Variants in TESK1 observed in about 807,000 individuals in gnomAD.
TESK1 encodes testis associated actin remodelling kinase 1.
In TESK1, 18 loss-of-function variants were observed where a neutral mutation model predicts 59.9. That is an observed-to-expected ratio of 0.30 (90% CI 0.21 to 0.45). TESK1 has a LOEUF of 0.45. Among genes scored for constraint, TESK1 ranks in the 20% least tolerant of loss-of-function variants. The probability of loss-of-function intolerance (pLI) is 1.00; values close to 1 mark genes in which losing one functional copy is unlikely to be tolerated. For synonymous variants in TESK1, 341 were observed against 357.4 expected, an observed-to-expected ratio of 0.95 and a Z score of 0.52; for missense variants, 748 against 840.9, an observed-to-expected ratio of 0.89 and a Z score of 1.37.
chr9:35,608,429 T>C lies in TESK1; in HGVS notation c.920T>C (p.Ile307Thr). The C allele has an allele frequency of 6.2e-7, 1 of 1,614,036 alleles. No individual in the cohort carries two copies. The highest frequency in any genetic ancestry group is 8.5e-7 in the Non-Finnish European group (1 of 1,180,000). ...AGCACCCGTGCCCCCTTCACCGAAA[T>C]TACCCAGCACCTGGAATGGATCCTG... The part of the protein sequence containing the change: ...EPSTRAPFTE[I>T]TQHLEWILEQ... The change falls in exon 9 of 10, where the codon ATT becomes ACT. Residue 307 changes from isoleucine (I) to threonine (T), a missense_variant. Coordinates refer to ENST00000336395, the MANE Select transcript of TESK1 (RefSeq NM_006285.3).
At position 35,606,866 on chromosome 9, in the gene TESK1, G is replaced by A. The variant is rs370594100; in HGVS notation, c.420G>A (p.Leu140=). The change falls in exon 4 of 10, where the codon CTG becomes CTA. Residue 140 remains leucine, a synonymous_variant. Transcript: ENST00000336395. ...EYMNGGTLEQ[L]LSSPEPLSWP... is the part of the protein sequence containing the mutation. ...TGAATGGGGGGACATTGGAACAGCT[G>A]CTCAGCTCCCCTGAACCCCTGTCCT... 3.1e-6 allele frequency: 5 copies of A among 1,612,260 alleles called. No homozygotes were observed. The highest frequency in any genetic ancestry group is 3.4e-6 in the Non-Finnish European group (4 of 1,179,198).
chr9:35,609,000 C>T lies in TESK1; in HGVS notation c.1139C>T (p.Pro380Leu). ...NWGDNLTRVN[P>L]FSLREDLRGG... ...GGGGACAATCTGACTCGAGTCAACC[C>T]CTTCTCACTACGGGAAGACCTCAGG... Residue 380 changes from proline (P) to leucine (L), a missense_variant, in exon 10 of 10, where the codon CCC becomes CTC. By Grantham distance (98) the Pro-to-Leu change is moderately conservative. This residue lies in a region of TESK1 where 447 missense variants were observed against 466.1 expected (regional missense o/e 0.96). Transcript: ENST00000336395. 9.3e-6 allele frequency: 15 copies of T among 1,614,202 alleles called. No homozygotes were observed. The highest frequency in any genetic ancestry group is 1.3e-5 in the Non-Finnish European group (15 of 1,180,034).
Position 35,607,591 on chromosome 9 carries a change from A to G in TESK1, c.630A>G (p.Ala210=). The G allele has an allele frequency of 1.2e-6, 2 of 1,613,880 alleles. No individual in the cohort carries two copies. The change falls in exon 6 of 10, where the codon GCA becomes GCG. Residue 210 remains alanine, a synonymous_variant. Transcript: ENST00000336395. This position sits in a 1 kb window ranked among gnomAD's most constrained non-coding sequence, Gnocchi z 4.5. ...GCCCCTGCCCCTGCAGGGAGGGGGC[A>G]AGGAAGGAGCCATTGGCCGTGGTGG... ...AEKIPVYREG[A]RKEPLAVVGS... is the part of the protein sequence containing the mutation.
Position 35,607,453 on chromosome 9 carries a change from C to T in TESK1, c.620+44C>T. 4 of 1,608,540 alleles carry T rather than the reference C, an allele frequency of 2.5e-6. No homozygotes were observed. In the South Asian group the frequency reaches 3.3e-5, roughly 13 times the overall value. ...TTCCCCCCAAATCTCCCAGAGTGCC[C>T]CTATCTGATGTCCCCAGAGCCCCAG... On this transcript the variant is annotated intron_variant, in intron 5 of 9. Coordinates refer to ENST00000336395, the MANE Select transcript of TESK1 (RefSeq NM_006285.3). This position sits in a 1 kb window ranked among gnomAD's most constrained non-coding sequence, Gnocchi z 4.5.
Position 35,609,554 on chromosome 9 carries a change from G to A in TESK1, c.1693G>A (p.Gly565Arg), listed in dbSNP as rs1016821335. The change falls in exon 10 of 10, where the codon GGG (glycine) becomes AGG (arginine). Residue 565 changes from glycine to arginine, a missense_variant. This residue lies in a region of TESK1 where 447 missense variants were observed against 466.1 expected (regional missense o/e 0.96). Coordinates refer to ENST00000336395, the MANE Select transcript of TESK1 (RefSeq NM_006285.3). The surrounding 1 kb of genome is among the most constrained non-coding windows in gnomAD (Gnocchi z 6.7). ...PPSAPREPDE[G>R]LPCPGCCLGP... ...TTCAGCTCCCCGGGAGCCCGATGAG[G>A]GGCTGCCCTGTCCTGGCTGCTGCCT... is the stretch of plus-strand genomic sequence containing the variant. The A allele has an allele frequency of 6.2e-7, 1 of 1,613,506 alleles. No individual in the cohort carries two copies. Among genetic ancestry groups the A allele is most frequent in the African/African-American group, 1.3e-5 (1 of 75,066 alleles).
rs756370004 is a variant in TESK1, at chr9:35,608,851, T to A, written c.1001-11T>A. On this transcript the variant is annotated splice_polypyrimidine_tract_variant and intron_variant, in intron 9 of 9. Transcript: ENST00000336395. ...GCTGAGGACAGTGATTCCAGACTTCTCTATCTACAGGCTCTGTTGCAAGAG... is the reference window on the plus strand; with the variant it reads ...GCTGAGGACAGTGATTCCAGACTTCACTATCTACAGGCTCTGTTGCAAGAG... 6.4e-7 allele frequency: 1 copy of A among 1,563,070 alleles called. No individual in the cohort carries two copies. Among genetic ancestry groups the A allele is most frequent in the Non-Finnish European group, 8.7e-7 (1 of 1,154,534 alleles).
intron 3 of TESK1, 122 bp from the exon 4 acceptor site, chr9:35,606,715 A>G: frequency 1.1e-6 from 1 of 937,968 alleles, no homozygotes; most frequent in Non-Finnish European, 1.5e-6. Flanking sequence ...GGGGGGTCCT[A>G]CAGCACAGTC....
In TESK1 at chr9:35,607,514, C is replaced by G. The variant is rs889559651; in HGVS notation, c.621-68C>G. On this transcript the variant is annotated intron_variant, in intron 5 of 9. Transcript: ENST00000336395. The surrounding 1 kb of genome is among the most constrained non-coding windows in gnomAD (Gnocchi z 4.5). ...CTTGGGGAACGGAGGGAGTTCACCT[C>G]ATCCCCTTTTGCCTGGGGGGGATGC... 6.4e-7 allele frequency: 1 copy of G among 1,573,180 alleles called. No individual in the cohort carries two copies. The highest frequency in any genetic ancestry group is 8.7e-7 in the Non-Finnish European group (1 of 1,143,484).
In TESK1 at chr9:35,606,124, TG is replaced by T; in HGVS notation, c.341+22del. The T allele has an allele frequency of 1.2e-6, 2 of 1,614,108 alleles. No homozygotes were observed. Among genetic ancestry groups the T allele is most frequent in the Non-Finnish European group, 1.7e-6 (2 of 1,179,966 alleles). On this transcript the variant is annotated intron_variant, in intron 2 of 9. Transcript: ENST00000336395. ...TCCTAAGGTGAGCGGCCCCAGTCTC[TG>T]GGCAGCTTGCTGGGCGGGAGAGAAA...
Position 35,609,528 on chromosome 9 carries a change from C to A in TESK1, c.1667C>A (p.Pro556His). 6.2e-7 allele frequency: 1 copy of A among 1,611,678 alleles called. No individual in the cohort carries two copies. The highest frequency in any genetic ancestry group is 8.5e-7 in the Non-Finnish European group (1 of 1,178,724). ...ALERTEPSPP[P>H]SAPREPDEGL... ...GAGCGGACAGAACCCTCGCCACCCC[C>A]TTCAGCTCCCCGGGAGCCCGATGAG... The change falls in exon 10 of 10, where the codon CCT becomes CAT. Residue 556 changes from proline to histidine, a missense_variant. Around this residue, in one of 3 missense-constraint regions of TESK1, gnomAD observed 447 missense variants for 466.1 expected, o/e 0.96. Transcript: ENST00000336395. This position sits in a 1 kb window ranked among gnomAD's most constrained non-coding sequence, Gnocchi z 6.7.
At position 35,609,580 on chromosome 9, in the gene TESK1, C is replaced by G; in HGVS notation, c.1719C>G (p.Leu573=). 1 of 1,613,508 alleles carries G rather than the reference C, an allele frequency of 6.2e-7. No homozygotes were observed. Among genetic ancestry groups the G allele is most frequent in the Non-Finnish European group, 8.5e-7 (1 of 1,179,910 alleles). The change falls in exon 10 of 10, where the codon CTC becomes CTG. Residue 573 remains leucine, a synonymous_variant. Transcript: ENST00000336395. This position sits in a 1 kb window ranked among gnomAD's most constrained non-coding sequence, Gnocchi z 6.7. ...DEGLPCPGCC[L]GPFSFGFLSM... Reference sequence around the variant, plus strand: ...GGCTGCCCTGTCCTGGCTGCTGCCTCGGCCCCTTCAGCTTTGGCTTCCTGT... The same window carrying G: ...GGCTGCCCTGTCCTGGCTGCTGCCTGGGCCCCTTCAGCTTTGGCTTCCTGT...
chr9:35,607,777 C>A lies in TESK1; in HGVS notation c.711+105C>A. 7.9e-7 allele frequency: 1 copy of A among 1,268,672 alleles called. No individual in the cohort carries two copies. The highest frequency in any genetic ancestry group is 1.1e-6 in the Non-Finnish European group (1 of 894,672). 78.6% of individuals were successfully genotyped at this position (1,268,672 alleles called of 1,614,324 possible). On this transcript the variant is annotated intron_variant, in intron 6 of 9. Coordinates refer to ENST00000336395, the MANE Select transcript of TESK1 (RefSeq NM_006285.3). This position sits in a 1 kb window ranked among gnomAD's most constrained non-coding sequence, Gnocchi z 4.5. ...ACAACCCTACCAGATCTTCAGGAGT[C>A]CCCAAGATCCCTTTGCCCCTCACAG... is the stretch of plus-strand genomic sequence containing the variant.
Position 35,609,244 on chromosome 9 carries a change from C to T in TESK1, c.1383C>T (p.Gly461=), listed in dbSNP as rs151172087. Residue 461 remains glycine, a synonymous_variant, in exon 10 of 10, where the codon GGC becomes GGT. Transcript: ENST00000336395. The surrounding 1 kb of genome is among the most constrained non-coding windows in gnomAD (Gnocchi z 6.7). ...CAGGTCCTGGCCCTCCCGCTGTGGG[C>T]CCCTCGGCTGAAGAGAAGATGGAGT... The part of the protein sequence containing the change: ...ALPGPGPPAV[G]PSAEEKMECE... 8.3e-4 allele frequency: 1,342 copies of T among 1,614,128 alleles called. 10 individuals carry two copies. The Middle Eastern group carries it at 0.032, about 39-fold the overall frequency.
Position 35,605,314 on chromosome 9 carries a change from C to A in TESK1, c.-306C>A. On this transcript the variant is annotated 5_prime_UTR_variant, in exon 1 of 10. Transcript: ENST00000336395. ...AGCAGCCGCCGCCCGCCCGCCCGCC[C>A]GCCTCCGCCCGCGGCAAGCCAGCCC... 6.7e-6 allele frequency: 1 copy of A among 148,220 alleles called. No homozygotes were observed. Among genetic ancestry groups the A allele is most frequent in the South Asian group, 1.8e-4 (1 of 5,574 alleles). 9.2% of individuals were successfully genotyped at this position (148,220 alleles called of 1,614,324 possible). A position where few individuals can be genotyped will look rare whatever the true frequency, so the allele number is the denominator to read the frequency against.
chr9:35,609,459 C>A lies in TESK1; in HGVS notation c.1598C>A (p.Pro533His). 1 of 1,606,946 alleles carries A rather than the reference C, an allele frequency of 6.2e-7. No individual in the cohort carries two copies. The highest frequency in any genetic ancestry group is 8.5e-7 in the Non-Finnish European group (1 of 1,176,104). ...TCCCCACAAGGCTGGGCTGGGGAGC[C>A]CTGGAACCGGGCCCAGCATAGCCTG... is the stretch of plus-strand genomic sequence containing the variant. ...VNSPQGWAGE[P>H]WNRAQHSLPR... The change falls in exon 10 of 10, where the codon CCC becomes CAC. Residue 533 changes from proline to histidine, a missense_variant. Physicochemically the swap from Pro to His is moderately conservative, Grantham distance 77 (BLOSUM62 -2). This residue lies in a region of TESK1 where 447 missense variants were observed against 466.1 expected (regional missense o/e 0.96). Transcript: ENST00000336395. The surrounding 1 kb of genome is among the most constrained non-coding windows in gnomAD (Gnocchi z 6.7).
At position 35,609,747 on chromosome 9, in the gene TESK1, G is replaced by A; in HGVS notation, c.*5G>A. The A allele has an allele frequency of 6.4e-7, 1 of 1,572,610 alleles. No homozygotes were observed. The highest frequency in any genetic ancestry group is 1.1e-5 in the South Asian group (1 of 87,738). ...CTGCCTGGGGCACGCTCTTAGCAGT[G>A]GAGCCCGTGGTCTCAGGCCTCCAAC... On this transcript the variant is annotated 3_prime_UTR_variant, in exon 10 of 10. Transcript: ENST00000336395. This position sits in a 1 kb window ranked among gnomAD's most constrained non-coding sequence, Gnocchi z 6.7.
Position 35,609,889 on chromosome 9 carries a change from C to T in TESK1, c.*147C>T, listed in dbSNP as rs557413044. 7.2e-6 allele frequency: 7 copies of T among 977,456 alleles called. No individual in the cohort carries two copies. Among genetic ancestry groups the T allele is most frequent in the Non-Finnish European group, 8.7e-6 (6 of 692,704 alleles). The allele number at this position is 977,456 out of a possible 1,614,324, so 60.5% of individuals were successfully genotyped here. ...GGAGCCCCAGCATGGACTCAAGGGACAGAGCACTTCCAGTCGACCCCCCGG... is the reference window on the plus strand; with the variant it reads ...GGAGCCCCAGCATGGACTCAAGGGATAGAGCACTTCCAGTCGACCCCCCGG... On this transcript the variant is annotated 3_prime_UTR_variant, in exon 10 of 10. Transcript: ENST00000336395. The surrounding 1 kb of genome is among the most constrained non-coding windows in gnomAD (Gnocchi z 6.7).
At position 35,607,387 on chromosome 9, in the gene TESK1, G is replaced by T; in HGVS notation, c.598G>T (p.Ala200Ser). ...FTAVVGDFGL[A>S]EKIPVYREGA... Reference sequence around the variant, plus strand: ...CGCTGTCGTGGGTGACTTCGGGCTGGCCGAAAAGATTCCTGTGTATAGGTG... The same window carrying T: ...CGCTGTCGTGGGTGACTTCGGGCTGTCCGAAAAGATTCCTGTGTATAGGTG... The change falls in exon 5 of 10, where the codon GCC (alanine) becomes TCC (serine). Residue 200 changes from alanine to serine, a missense_variant. Physicochemically the swap from Ala to Ser is moderately conservative, Grantham distance 99 (BLOSUM62 1). Transcript: ENST00000336395. This position sits in a 1 kb window ranked among gnomAD's most constrained non-coding sequence, Gnocchi z 4.5. 6.2e-7 allele frequency: 1 copy of T among 1,614,142 alleles called. No individual in the cohort carries two copies.
rs1484536819 is a variant in TESK1, at chr9:35,607,897, C to T, written c.712-31C>T. On this transcript the variant is annotated intron_variant, in intron 6 of 9. Transcript: ENST00000336395. This position sits in a 1 kb window ranked among gnomAD's most constrained non-coding sequence, Gnocchi z 4.5. ...AATTCTGAAATGAAAACTGTTAATT[C>T]TTCCCCGACACTATTATCTCTGACC... The T allele has an allele frequency of 3.7e-6, 6 of 1,608,024 alleles. No individual in the cohort carries two copies. In the African/African-American group the frequency reaches 4.0e-5, roughly 11 times the overall value.
Sources: allele counts gnomAD v4.1 joint callset, GRCh38; gene constraint gnomAD v4.1.1; regional missense constraint gnomAD v4.1.1; non-coding constraint Gnocchi (gnomAD v3.1); transcripts MANE v1.5; gene names NCBI Gene and HGNC (gene_info 2026-07-23, HGNC 2026-07-21).